The following TMEM117 variants were observed in gnomAD, a reference collection of about 807,000 sequenced individuals.
TMEM117 encodes transmembrane protein 117.
Under a neutral mutation model 52.4 loss-of-function variants are expected in TMEM117, and 27 were observed. That is an observed-to-expected ratio of 0.51 (90% CI 0.38 to 0.71). TMEM117 has a LOEUF of 0.71. Ranked by LOEUF, TMEM117 falls within the 30% of genes least tolerant of loss-of-function variation. TMEM117 has a pLI of 0.00. For synonymous variants in TMEM117, 215 were observed against 206.3 expected (o/e 1.04, Z -0.36); for missense variants, 556 against 630.5 (o/e 0.88, Z 1.26).
chr12:44,142,082 C>T (rs780495448), intron 3 of TMEM117, among the ~76,000 whole-genome samples: 3 of 152,096 alleles, frequency 2.0e-5, no homozygotes, highest in Non-Finnish European at 4.4e-5. Flanking sequence ...GTCCATTTAC[C>T]AGATGCTTGA....
the TMEM117 span, among the ~76,000 whole-genome samples, chr12:43,806,625 A>T: frequency 2.4e-4 from 36 of 152,288 alleles, no homozygotes; most frequent in Non-Finnish European, 4.3e-4. Context: ...AGGGGTGCTC[A>T]AAAACGGAAG....
At chr12:44,387,964 T>G in intron 7 of TMEM117, 62 bp from the exon 8 acceptor site, 1 of 1,411,210 alleles carries the variant, frequency 7.1e-7, no homozygotes, top group Non-Finnish European at 9.6e-7. Flanking sequence ...CATTTTATTG[T>G]AGAAAACCTT....
Position 44,047,685 on chromosome 12 carries a change from G to C in TMEM117, c.411-95840G>C, listed in dbSNP as rs1409425702. On this transcript the variant is annotated intron_variant, in intron 3 of 7. Transcript: ENST00000266534. The stretch of plus-strand genomic sequence containing the variant: ...TTTGCATCTAATCCTTTATATGACT[G>C]TAGACCATAAAACCCAAAATGGTAG... Among the ~76,000 whole-genome samples, 3 of 152,156 alleles carry C rather than the reference G, an allele frequency of 2.0e-5. No individual in the cohort carries two copies. In the East Asian group the frequency reaches 5.8e-4, roughly 29 times the overall value.
At chr12:43,993,012 A>G (rs1945969122) in intron 3 of TMEM117, among the ~76,000 whole-genome samples, 1 of 152,228 alleles carries the variant, frequency 6.6e-6, no homozygotes, top group African/African-American at 2.4e-5. Context: ...TGTGGAACAA[A>G]TGTTCAGTAG....
At chr12:44,220,228 A>G (rs1949770588) in intron 5 of TMEM117, among the ~76,000 whole-genome samples, 5 of 152,174 alleles carry the variant, frequency 3.3e-5, no homozygotes. Flanking sequence ...ACCAGTTAAC[A>G]ACTCTGAGCT....
intron 4 of TMEM117, among the ~76,000 whole-genome samples, chr12:44,183,359 A>G (rs1015848093): frequency 6.6e-6 from 1 of 152,146 alleles, no homozygotes; most frequent in Non-Finnish European, 1.5e-5. Context: ...CTTACTTTGC[A>G]TAGCTGTTAA....
At chr12:44,078,006 A>G (rs1011511241) in intron 3 of TMEM117, among the ~76,000 whole-genome samples, 2 of 152,170 alleles carry the variant, frequency 1.3e-5, no homozygotes, top group Non-Finnish European at 2.9e-5. Flanking sequence ...ATTTCCTACA[A>G]GCAAGTAACT....
chr12:44,196,270 T>C (rs992587557), intron 4 of TMEM117, among the ~76,000 whole-genome samples: 1 of 151,886 alleles, frequency 6.6e-6, no homozygotes, highest in Non-Finnish European at 1.5e-5. Context: ...AATAAAGATA[T>C]GAGCAGAATT....
the TMEM117 span, among the ~76,000 whole-genome samples, chr12:43,813,231 G>GCTTTTTTTTT: frequency 1.3e-4 from 8 of 62,618 alleles, no homozygotes; most frequent in African/African-American, 4.7e-4. Context: ...GTTTTCTCTT[G>GCTTTTTTTTT]TTTTTTTTTT....
chr12:44,013,780 C>T (rs543141078), intron 3 of TMEM117, among the ~76,000 whole-genome samples: 1 of 152,040 alleles, frequency 6.6e-6, no homozygotes, highest in South Asian at 2.1e-4. Flanking sequence ...ATGAATTCCT[C>T]CTTTGGTAAG....
At chr12:43,818,378 C>T in the TMEM117 span, among the ~76,000 whole-genome samples, 54 of 152,024 alleles carry the variant, frequency 3.6e-4, no homozygotes, top group African/African-American at 1.2e-3. Flanking sequence ...TCCCACACCC[C>T]ACCCACCTTA....
chr12:44,092,864 C>G (rs1328484817), intron 3 of TMEM117, among the ~76,000 whole-genome samples: 1 of 152,156 alleles, frequency 6.6e-6, no homozygotes, highest in African/African-American at 2.4e-5. Flanking sequence ...ACCACATAAT[C>G]TTGTGAATAC....
intron 3 of TMEM117, among the ~76,000 whole-genome samples, chr12:44,053,287 G>A (rs778109210): frequency 2.0e-5 from 3 of 152,158 alleles, no homozygotes; most frequent in Non-Finnish European, 4.4e-5. Context: ...GGAAAGCGCT[G>A]TAGTTACTAT....
intron 4 of TMEM117, among the ~76,000 whole-genome samples, chr12:44,167,202 T>C (rs554747775): frequency 1.1e-4 from 16 of 152,122 alleles, no homozygotes; most frequent in Non-Finnish European, 1.9e-4. Flanking sequence ...CCACAGATGG[T>C]TTTGCTGTCA....
intron 3 of TMEM117, among the ~76,000 whole-genome samples, chr12:43,988,220 G>T (rs1286288006): frequency 2.6e-5 from 4 of 152,026 alleles, no homozygotes; most frequent in Admixed American, 2.6e-4. Context: ...AATTGGGCAC[G>T]TTGGATTCAC....
the TMEM117 span, among the ~76,000 whole-genome samples, chr12:43,807,404 A>G: frequency 6.6e-6 from 1 of 152,194 alleles, no homozygotes; most frequent in South Asian, 2.1e-4. Context: ...TTTTTCAGAC[A>G]TATTCTCATA....
At chr12:44,307,733 G>T (rs951258265) in intron 6 of TMEM117, among the ~76,000 whole-genome samples, 1 of 152,164 alleles carries the variant, frequency 6.6e-6, no homozygotes, top group African/African-American at 2.4e-5. Flanking sequence ...ATAGTAGACA[G>T]ACTTAACACG....
intron 4 of TMEM117, among the ~76,000 whole-genome samples, chr12:44,184,379 G>T (rs1252244623): frequency 6.6e-6 from 1 of 152,020 alleles, no homozygotes. Flanking sequence ...AGAGAAATTA[G>T]CCTGGATTGT....
At chr12:43,929,649 T>C (rs950326673) in intron 2 of TMEM117, among the ~76,000 whole-genome samples, 1 of 152,194 alleles carries the variant, frequency 6.6e-6, no homozygotes, top group African/African-American at 2.4e-5. Flanking sequence ...TGTGAGCTTT[T>C]GTAACCTGCT....
Sources: allele counts gnomAD v4.1 joint callset (sites outside exome capture counted in the v4.1 genomes callset), GRCh38; gene constraint gnomAD v4.1.1; transcripts MANE v1.5; gene names NCBI Gene and HGNC (gene_info 2026-07-23, HGNC 2026-07-21).